MCTP1: variants seen among roughly 807,000 people sequenced by gnomAD.
MCTP1 encodes multiple C2 and transmembrane domain containing 1.
In MCTP1, 69 loss-of-function variants were observed where a neutral mutation model predicts 120.6. The observed-to-expected ratio is 0.57, with a 90% CI of 0.47 to 0.70. The LOEUF (loss-of-function observed/expected upper bound fraction) is 0.70, where lower values mean the gene tolerates loss of function less well. Among genes scored for constraint, MCTP1 ranks in the 30% least tolerant of loss-of-function variants. MCTP1 has a pLI of 0.00. For synonymous variants in MCTP1, 529 were observed against 493.1 expected (o/e 1.07, Z -0.96); for missense variants, 1,203 against 1,248.8 (o/e 0.96, Z 0.55).
chr5:94,820,473 TCA>T (rs1785399127), intron 17 of MCTP1, among the ~76,000 whole-genome samples: 1 of 152,200 alleles, frequency 6.6e-6, no homozygotes, highest in Non-Finnish European at 1.5e-5. Context: ...GCTAAAATAA[TCA>T]CAGTCATGCT....
In MCTP1 at chr5:95,166,810, G is replaced by A. The variant is rs185069243; in HGVS notation, c.720+117046C>T. ...TCTTGATCTCCTGACCTTGTGATCC[G>A]CCCGCCTCAGCCTCCCAAAGTGCTG... On this transcript the variant is annotated intron_variant, in intron 1 of 22. Transcript: ENST00000515393. 2.2e-3 allele frequency among the ~76,000 whole-genome samples: 339 copies of A among 151,664 alleles called. 2 individuals are homozygous for A. Among genetic ancestry groups the A allele is most frequent in the African/African-American group, 7.8e-3 (324 of 41,396 alleles).
chr5:94,723,451 C>T (rs1216386966), intron 19 of MCTP1, among the ~76,000 whole-genome samples: 1 of 152,026 alleles, frequency 6.6e-6, no homozygotes, highest in Non-Finnish European at 1.5e-5. Flanking sequence ...AGTTTTGTAC[C>T]AGGTGACTCA....
At chr5:94,820,834 C>T (rs1213407470) in intron 17 of MCTP1, among the ~76,000 whole-genome samples, 1 of 152,132 alleles carries the variant, frequency 6.6e-6, no homozygotes, top group Non-Finnish European at 1.5e-5. Flanking sequence ...TGGATTTAGC[C>T]AAACCATTTG....
chr5:94,894,761 C>G lies in MCTP1; in HGVS notation c.1727G>C (p.Gly576Ala). 1 of 1,613,638 alleles carries G rather than the reference C, an allele frequency of 6.2e-7. No individual in the cohort carries two copies. Residue 576 changes from glycine to alanine, a missense_variant, in exon 11 of 23, where the codon GGA becomes GCA. Coordinates refer to ENST00000515393, the MANE Select transcript of MCTP1 (RefSeq NM_024717.7). ...KLELQLEEGEGHLVLLVTLTA... is the reference protein window; with the variant it reads ...KLELQLEEGEAHLVLLVTLTA... ...CAGAGTGACCAGCAGCACCAGGTGT[C>G]CCTCACCCTCTTCCAGCTGCAACTC...
chr5:95,186,950 TAA>T (rs1276798984), intron 1 of MCTP1, among the ~76,000 whole-genome samples: 2 of 152,062 alleles, frequency 1.3e-5, no homozygotes, highest in Non-Finnish European at 2.9e-5. Flanking sequence ...CAGGCAACAA[TAA>T]ATGCTGGCAA....
At chr5:94,971,447 A>C (rs1021884795) in intron 2 of MCTP1, among the ~76,000 whole-genome samples, 7 of 152,174 alleles carry the variant, frequency 4.6e-5, no homozygotes, top group Non-Finnish European at 1.0e-4. Flanking sequence ...AAAGTTAAAT[A>C]TGTAGAAAAC....
chr5:94,819,421 A>G (rs1034444194), intron 17 of MCTP1, among the ~76,000 whole-genome samples: 3 of 152,042 alleles, frequency 2.0e-5, no homozygotes, highest in Admixed American at 2.0e-4. Context: ...ATGAGCCACC[A>G]TGCCTGGCCT....
At chr5:95,216,614 G>A (rs923114559) in intron 1 of MCTP1, among the ~76,000 whole-genome samples, 11 of 151,726 alleles carry the variant, frequency 7.2e-5, no homozygotes, top group Non-Finnish European at 1.2e-4. Flanking sequence ...AAAGGTGTCC[G>A]ATATCACAGC....
intron 17 of MCTP1, among the ~76,000 whole-genome samples, chr5:94,858,859 G>T (rs1380219945): frequency 6.6e-6 from 1 of 151,638 alleles, no homozygotes; most frequent in Non-Finnish European, 1.5e-5. Flanking sequence ...GTTTGGGTTA[G>T]ATGTGTTCTG....
chr5:95,130,093 A>G (rs1758933390), intron 1 of MCTP1, among the ~76,000 whole-genome samples: 1 of 152,142 alleles, frequency 6.6e-6, no homozygotes, highest in Non-Finnish European at 1.5e-5. Context: ...CCTGTCCCCC[A>G]GCTTCTCGGA....
chr5:95,228,996 T>C (rs954186193), intron 1 of MCTP1, among the ~76,000 whole-genome samples: 5 of 152,164 alleles, frequency 3.3e-5, no homozygotes, highest in African/African-American at 1.2e-4. Context: ...TATTTCTTTG[T>C]AGCAATGCAA....
At chr5:95,003,091 A>G (rs1237063397) in intron 2 of MCTP1, among the ~76,000 whole-genome samples, 1 of 152,138 alleles carries the variant, frequency 6.6e-6, no homozygotes, top group Non-Finnish European at 1.5e-5. Flanking sequence ...CATCCTGTGA[A>G]GAGGTACCTT....
At chr5:95,162,662 C>T (rs1431609041) in intron 1 of MCTP1, among the ~76,000 whole-genome samples, 1 of 152,172 alleles carries the variant, frequency 6.6e-6, no homozygotes, top group African/African-American at 2.4e-5. Flanking sequence ...GAGAAAGCTA[C>T]ACACATATCA....
chr5:94,975,860 A>G (rs1458102072), intron 2 of MCTP1, among the ~76,000 whole-genome samples: 1 of 151,268 alleles, frequency 6.6e-6, no homozygotes, highest in East Asian at 2.0e-4. Flanking sequence ...TTTTTCTTAC[A>G]CTCCCAAACA....
intron 21 of MCTP1, 32 bp downstream of exon 21, chr5:94,710,786 C>G (rs753321560): frequency 7.1e-7 from 1 of 1,406,226 alleles, no homozygotes; most frequent in South Asian, 1.2e-5. Flanking sequence ...GCAGCTAAGA[C>G]AGTTTGGGGG....
chr5:95,080,828 A>G (rs528696365), intron 1 of MCTP1, among the ~76,000 whole-genome samples: 23 of 152,348 alleles, frequency 1.5e-4, no homozygotes, highest in African/African-American at 4.3e-4. Flanking sequence ...GAAAGTAGGC[A>G]GTGATAAACA....
At chr5:95,213,370 A>C (rs1296689570) in intron 1 of MCTP1, among the ~76,000 whole-genome samples, 3 of 152,248 alleles carry the variant, frequency 2.0e-5, no homozygotes, top group Non-Finnish European at 2.9e-5. Flanking sequence ...AAGAGGATAC[A>C]AACAAATGGA....
intron 1 of MCTP1, among the ~76,000 whole-genome samples, chr5:95,165,797 T>G (rs952394949): frequency 1.3e-5 from 2 of 152,240 alleles, no homozygotes; most frequent in African/African-American, 4.8e-5. Context: ...AACATTCTGA[T>G]TCTGCCCGGC....
chr5:95,168,741 T>C (rs1475947562), intron 1 of MCTP1, among the ~76,000 whole-genome samples: 5 of 152,242 alleles, frequency 3.3e-5, no homozygotes, highest in Admixed American at 3.3e-4. Flanking sequence ...TTTTTGCACA[T>C]TGATTTTTAT....
Sources: allele counts gnomAD v4.1 joint callset (sites outside exome capture counted in the v4.1 genomes callset), GRCh38; gene constraint gnomAD v4.1.1; transcripts MANE v1.5; gene names NCBI Gene and HGNC (gene_info 2026-07-23, HGNC 2026-07-21).